The following MSRA variants were observed in gnomAD, a reference collection of about 807,000 sequenced individuals.
MSRA encodes the protein methionine sulfoxide reductase A, also known as mitochondrial peptide methionine sulfoxide reductase.
In MSRA, 54 loss-of-function variants were observed where a neutral mutation model predicts 31.3. The ratio of observed to expected loss-of-function variants is 1.73; its 90% confidence interval spans 1.39 to 2.17. The LOEUF is 2.17. MSRA is among the 30% of genes most tolerant of loss of function. MSRA has a pLI of 0.00. For missense variants in MSRA, 507 were observed against 300.9 expected, an observed-to-expected ratio of 1.69 and a Z score of -5.07; for synonymous variants, 169 against 116.5, an observed-to-expected ratio of 1.45 and a Z score of -2.90.
chr8:10,255,077 C>G (rs1798107118), intron 3 of MSRA, among the ~76,000 whole-genome samples: 3 of 152,218 alleles, frequency 2.0e-5, no homozygotes, highest in African/African-American at 7.2e-5. Context: ...GGGGGCTTCC[C>G]CCAGCACTGT....
chr8:10,292,452 G>A (rs1489241999), intron 3 of MSRA, among the ~76,000 whole-genome samples: 1 of 152,232 alleles, frequency 6.6e-6, no homozygotes, highest in Non-Finnish European at 1.5e-5. Context: ...ATAAGATGGG[G>A]CGGCAGGGCC....
At chr8:10,196,117 C>G (rs1233530720) in intron 1 of MSRA, among the ~76,000 whole-genome samples, 1 of 152,156 alleles carries the variant, frequency 6.6e-6, no homozygotes, top group African/African-American at 2.4e-5. Flanking sequence ...CTGACAGTGC[C>G]CCTTGCAACC....
At chr8:10,088,066 G>T (rs1402458707) in intron 1 of MSRA, among the ~76,000 whole-genome samples, 1 of 152,120 alleles carries the variant, frequency 6.6e-6, no homozygotes, top group Non-Finnish European at 1.5e-5. Context: ...GGACTTTAGG[G>T]CTCCTTGGAA....
In MSRA at chr8:10,315,843, A is replaced by G. The variant is rs560592632; in HGVS notation, c.437-4040A>G. Among the ~76,000 whole-genome samples, 5 of 152,346 alleles carry G rather than the reference A, an allele frequency of 3.3e-5. No homozygotes were observed. In the South Asian group the frequency reaches 1.0e-3, roughly 32 times the overall value. On this transcript the variant is annotated intron_variant, in intron 4 of 5. Transcript: ENST00000317173. Reference sequence around the variant, plus strand: ...AAACAGACATGGAGTCCCAAAAGACATTCTAGGACGCATAATAAGTAAAAA... The same window carrying G: ...AAACAGACATGGAGTCCCAAAAGACGTTCTAGGACGCATAATAAGTAAAAA...
intron 5 of MSRA, chr8:10,326,377 T>A (rs992044961): frequency 1.3e-5 from 2 of 152,204 alleles, no homozygotes; most frequent in Admixed American, 6.5e-5. Flanking sequence ...AAACTGTGGT[T>A]TTCTGCAAAG....
intron 5 of MSRA, among the ~76,000 whole-genome samples, chr8:10,423,922 CATTCATTCATTA>C (rs1395709055): frequency 6.6e-6 from 1 of 152,204 alleles, no homozygotes; most frequent in Non-Finnish European, 1.5e-5. Context: ...TTCATTCATT[CATTCATTCATTA>C]ATTGCACACA....
At chr8:10,150,903 A>C (rs1005548083) in intron 1 of MSRA, among the ~76,000 whole-genome samples, 1 of 151,910 alleles carries the variant, frequency 6.6e-6, no homozygotes, top group Admixed American at 6.6e-5. Context: ...CTCTCATTTT[A>C]TATATCAGTA....
chr8:10,347,783 A>G (rs759805271), intron 5 of MSRA, among the ~76,000 whole-genome samples: 2 of 152,150 alleles, frequency 1.3e-5, no homozygotes, highest in Non-Finnish European at 2.9e-5. Context: ...TTGACTTTTC[A>G]ATCCCGTTAC....
intron 1 of MSRA, among the ~76,000 whole-genome samples, chr8:10,154,288 G>A (rs1803961260): frequency 8.2e-6 from 1 of 122,338 alleles, no homozygotes; most frequent in Non-Finnish European, 1.7e-5. Context: ...CAGGGCAGGG[G>A]TGCTACCCAA....
intron 1 of MSRA, among the ~76,000 whole-genome samples, chr8:10,075,005 C>T (rs1437805177): frequency 6.6e-6 from 1 of 152,230 alleles, no homozygotes; most frequent in Admixed American, 6.5e-5. Flanking sequence ...TTACCCATTA[C>T]TGCCAACCCA....
chr8:10,317,492 T>C (rs1801794210), intron 4 of MSRA, among the ~76,000 whole-genome samples: 1 of 152,208 alleles, frequency 6.6e-6, no homozygotes. Context: ...TAGGGTTGTT[T>C]GTCCCTTTAA....
At chr8:10,232,806 T>A (rs1811607288) in intron 2 of MSRA, among the ~76,000 whole-genome samples, 1 of 152,216 alleles carries the variant, frequency 6.6e-6, no homozygotes, top group Non-Finnish European at 1.5e-5. Flanking sequence ...CCAGTAGGAC[T>A]ATTGGAAAAT....
chr8:10,236,638 G>C (rs1183282869), intron 2 of MSRA, among the ~76,000 whole-genome samples: 11 of 152,170 alleles, frequency 7.2e-5, no homozygotes, highest in Non-Finnish European at 8.8e-5. Context: ...TCTGCCTCCT[G>C]AGTTCAAGCG....
intron 1 of MSRA, among the ~76,000 whole-genome samples, chr8:10,155,131 A>C: frequency 6.6e-6 from 1 of 152,008 alleles, no homozygotes; most frequent in Admixed American, 6.5e-5. Flanking sequence ...TTATACTCAC[A>C]CCACATATAG....
chr8:10,089,282 T>A (rs573506382), intron 1 of MSRA, among the ~76,000 whole-genome samples: 9 of 152,206 alleles, frequency 5.9e-5, no homozygotes, highest in Admixed American at 2.6e-4. Context: ...TTTATTTTTT[T>A]AAAAAGAACA....
intron 1 of MSRA, among the ~76,000 whole-genome samples, chr8:10,122,002 A>G (rs964024531): frequency 2.0e-5 from 3 of 152,098 alleles, no homozygotes; most frequent in South Asian, 2.1e-4. Flanking sequence ...TTTAGAAAAC[A>G]TGGGGTTGTG....
At chr8:10,183,485 C>G (rs1405236160) in intron 1 of MSRA, among the ~76,000 whole-genome samples, 1 of 152,144 alleles carries the variant, frequency 6.6e-6, no homozygotes, top group Non-Finnish European at 1.5e-5. Context: ...GCTTGGAAGG[C>G]CATTGAAGCT....
chr8:10,316,301 T>C (rs1801708919), intron 4 of MSRA, among the ~76,000 whole-genome samples: 1 of 151,948 alleles, frequency 6.6e-6, no homozygotes, highest in South Asian at 2.1e-4. Context: ...GACTTTGGAG[T>C]TAGATGGTTC....
chr8:10,260,665 GA>G (rs1798431381), intron 3 of MSRA, among the ~76,000 whole-genome samples: 1 of 152,132 alleles, frequency 6.6e-6, no homozygotes. Flanking sequence ...CCCCTGATGT[GA>G]AAGGGAAATG....
Sources: gnomAD v4.1 joint callset for allele counts (sites outside exome capture counted in the v4.1 genomes callset) on GRCh38, gnomAD v4.1.1 for gene constraint, MANE v1.5 for transcripts, NCBI Gene and HGNC (gene_info 2026-07-23, HGNC 2026-07-21) for gene names.